ALS2: variants seen among roughly 807,000 people sequenced by gnomAD.
ALS2 encodes the protein alsin Rho guanine nucleotide exchange factor ALS2.
ALS2 carries 117 observed loss-of-function variants against 203.4 expected under a neutral mutation model. The observed-to-expected ratio is 0.58, with a 90% CI of 0.50 to 0.67. The LOEUF (loss-of-function observed/expected upper bound fraction) is 0.67. Among genes scored for constraint, ALS2 ranks in the 30% least tolerant of loss-of-function variants. The probability of loss-of-function intolerance (pLI) is 0.00; values close to 1 mark genes in which losing one functional copy is unlikely to be tolerated. For synonymous variants in ALS2, 718 were observed against 725.9 expected, an observed-to-expected ratio of 0.99 and a Z score of 0.17; for missense variants, 1,715 against 1,989.4, an observed-to-expected ratio of 0.86 and a Z score of 2.62.
intron 18 of ALS2, 46 bp downstream of exon 18, chr2:201,726,618 T>G (rs1366659039): frequency 1.9e-6 from 3 of 1,607,992 alleles, no homozygotes; most frequent in Non-Finnish European, 8.5e-7. Context: ...TTTTCTATCA[T>G]GTGATGATCA....
chr2:201,759,494 C>T (rs1286489714), intron 4 of ALS2: 7 of 963,518 alleles, frequency 7.3e-6, no homozygotes, highest in Non-Finnish European at 8.6e-6. Flanking sequence ...GAAACACACA[C>T]ATTGTTACTA....
At chr2:201,723,491 T>C (rs368657750) in intron 21 of ALS2, 50 bp from the exon 22 acceptor site, 1 of 1,476,250 alleles carries the variant, frequency 6.8e-7, no homozygotes, top group Non-Finnish European at 9.5e-7. Context: ...AAGGATAAAG[T>C]AGGGAAAAGA....
chr2:201,774,501 C>G (rs1297203108), intron 1 of ALS2, among the ~76,000 whole-genome samples: 1 of 152,052 alleles, frequency 6.6e-6, no homozygotes, highest in East Asian at 1.9e-4. Flanking sequence ...TTGTAAGCTG[C>G]TTTAAATCCT....
At position 201,761,107 on chromosome 2, in the gene ALS2, G is replaced by T. The variant is rs990185297; in HGVS notation, c.887C>A (p.Ala296Glu). The T allele has an allele frequency of 2.5e-6, 4 of 1,614,084 alleles. No individual in the cohort carries two copies. The African/African-American group carries it at 5.3e-5, about 22-fold the overall frequency. ...TTCAGTAGCAACAGACTGATCATTTGCTACAAGAGTGTTCTCAAATACTTC... is the reference window on the plus strand; with the variant it reads ...TTCAGTAGCAACAGACTGATCATTTTCTACAAGAGTGTTCTCAAATACTTC... ...QEEVFENTLV[A>E]NDQSVATELN... is the part of the protein sequence containing the mutation. The change falls in exon 4 of 34, where the codon GCA (alanine) becomes GAA (glutamate). Residue 296 changes from alanine to glutamate, a missense_variant. This residue lies in a region of ALS2 where 476 missense variants were observed against 539.3 expected (regional missense o/e 0.88). Coordinates refer to ENST00000264276, the MANE Select transcript of ALS2 (RefSeq NM_020919.4).
At chr2:201,752,341 C>T (rs545527085) in intron 7 of ALS2, among the ~76,000 whole-genome samples, 7 of 152,092 alleles carry the variant, frequency 4.6e-5, no homozygotes, top group African/African-American at 1.2e-4. Flanking sequence ...AGAATTTCCT[C>T]GAGTATGTTT....
At chr2:201,775,530 C>T (rs1000255413) in intron 1 of ALS2, among the ~76,000 whole-genome samples, 22 of 152,102 alleles carry the variant, frequency 1.4e-4, no homozygotes, top group Admixed American at 1.2e-3. Context: ...GACTCAAACA[C>T]CTGACTTACA....
At chr2:201,735,793 C>T (rs1691841237) in intron 12 of ALS2, among the ~76,000 whole-genome samples, 1 of 152,184 alleles carries the variant, frequency 6.6e-6, no homozygotes. Context: ...GAATAAGGAA[C>T]CAGGGTCAGT....
intron 7 of ALS2, 85 bp downstream of exon 7, chr2:201,753,061 C>G (rs1246994439): frequency 9.8e-7 from 1 of 1,018,118 alleles, no homozygotes; most frequent in Non-Finnish European, 1.6e-6. Context: ...TGACATATAG[C>G]AGATAATCAA....
At chr2:201,770,686 G>A (rs1406425996) in intron 1 of ALS2, among the ~76,000 whole-genome samples, 4 of 152,290 alleles carry the variant, frequency 2.6e-5, no homozygotes, top group South Asian at 4.1e-4. Context: ...AAAAGTGGAA[G>A]AGGGAGGCAG....
chr2:201,743,196 A>C (rs1349471379), intron 10 of ALS2, among the ~76,000 whole-genome samples: 1 of 152,190 alleles, frequency 6.6e-6, no homozygotes, highest in Non-Finnish European at 1.5e-5. Flanking sequence ...CAAGGAGTGC[A>C]GGAGAGAGAA....
intron 26 of ALS2, 78 bp from the exon 27 acceptor site, chr2:201,710,116 A>C: frequency 6.6e-7 from 1 of 1,506,294 alleles, no homozygotes. Flanking sequence ...AAACAACTTC[A>C]TAAATGACAC....
intron 1 of ALS2, among the ~76,000 whole-genome samples, chr2:201,776,091 A>C (rs1294422445): frequency 6.6e-6 from 1 of 152,254 alleles, no homozygotes; most frequent in Non-Finnish European, 1.5e-5. Flanking sequence ...TACAAAAGAA[A>C]AAAGTGTCTT....
At chr2:201,751,837 A>G (rs1236098056) in intron 7 of ALS2, among the ~76,000 whole-genome samples, 5 of 152,168 alleles carry the variant, frequency 3.3e-5, no homozygotes, top group African/African-American at 1.2e-4. Context: ...TAGCCATCTT[A>G]GTTTTCTCCT....
chr2:201,746,805 G>T, intron 8 of ALS2, 57 bp from the exon 9 acceptor site: 1 of 1,588,314 alleles, frequency 6.3e-7, no homozygotes, highest in South Asian at 1.1e-5. Context: ...AGAGAACTTC[G>T]GATCCACAGG....
At chr2:201,744,479 C>T (rs940791386) in intron 9 of ALS2, 50 bp from the exon 10 acceptor site, 1 of 1,547,084 alleles carries the variant, frequency 6.5e-7, no homozygotes, top group African/African-American at 1.4e-5. Context: ...AATTATGTTA[C>T]TAATTTGGTA....
chr2:201,709,449 C>T (rs540021464), intron 27 of ALS2, among the ~76,000 whole-genome samples: 11 of 152,220 alleles, frequency 7.2e-5, no homozygotes, highest in East Asian at 1.9e-4. Context: ...TACATAGAAA[C>T]GCTCCATAAA....
chr2:201,771,208 A>G (rs1317209826), intron 1 of ALS2, among the ~76,000 whole-genome samples: 2 of 151,676 alleles, frequency 1.3e-5, no homozygotes, highest in African/African-American at 4.8e-5. Context: ...CATTACGCCT[A>G]GCTAATTTTT....
intron 12 of ALS2, among the ~76,000 whole-genome samples, chr2:201,733,960 C>T (rs1388818705): frequency 6.6e-6 from 1 of 152,070 alleles, no homozygotes; most frequent in African/African-American, 2.4e-5. Context: ...TAATAAAAAG[C>T]TGCAAGAACT....
At position 201,761,061 on chromosome 2, in the gene ALS2, C is replaced by G. The variant is rs1693735423; in HGVS notation, c.933G>C (p.Gln311His). The G allele has an allele frequency of 1.2e-6, 2 of 1,614,046 alleles. No homozygotes were observed. The highest frequency in any genetic ancestry group is 4.5e-5 in the East Asian group (2 of 44,896). ...AGGACATGGCATCGCTGCTTGTGAT[C>G]TGAGCACTTACTGCATTCAGTTCAG... ...VATELNAVSAQITSSDAMSSQ... is the reference protein window; with the variant it reads ...VATELNAVSAHITSSDAMSSQ... The change falls in exon 4 of 34, where the codon CAG becomes CAC. Residue 311 changes from glutamine (Q) to histidine (H), a missense_variant. Gln to His is a conservative substitution (Grantham distance 24). Coordinates refer to ENST00000264276, the MANE Select transcript of ALS2 (RefSeq NM_020919.4).
Sources: gnomAD v4.1 joint callset for allele counts (sites outside exome capture counted in the v4.1 genomes callset) on GRCh38, gnomAD v4.1.1 for gene constraint, gnomAD v4.1.1 regional missense constraint, MANE v1.5 for transcripts, NCBI Gene and HGNC (gene_info 2026-07-23, HGNC 2026-07-21) for gene names.